GRAMD4: variants seen among roughly 807,000 people sequenced by gnomAD.
GRAMD4 encodes GRAM domain containing 4, also known as GRAM domain-containing protein 4.
In GRAMD4, 25 loss-of-function variants were observed where a neutral mutation model predicts 83.9. That is an observed-to-expected ratio of 0.30 (90% CI 0.22 to 0.42). The LOEUF is 0.42. Ranked by LOEUF, GRAMD4 falls within the 10% of genes least tolerant of loss-of-function variation. The probability of loss-of-function intolerance (pLI) is 1.00; values close to 1 mark genes in which losing one functional copy is unlikely to be tolerated. For synonymous variants in GRAMD4, 336 were observed against 320.9 expected (o/e 1.05, Z -0.50); for missense variants, 593 against 788.7 (o/e 0.75, Z 2.97).
At chr22:46,666,633 G>T (rs1279510975) in intron 9 of GRAMD4, among the ~76,000 whole-genome samples, 192 bp from the exon 10 acceptor site, 1 of 152,138 alleles carries the variant, frequency 6.6e-6, no homozygotes, top group African/African-American at 2.4e-5. Flanking sequence ...GGAGGGGCTG[G>T]TGAGGGTGAC....
chr22:46,585,908 A>G (rs1451791782), intron 1 of GRAMD4, among the ~76,000 whole-genome samples: 1 of 152,188 alleles, frequency 6.6e-6, no homozygotes, highest in Non-Finnish European at 1.5e-5. Flanking sequence ...CCCAACCAGC[A>G]TGTGCCTGCG....
intron 1 of GRAMD4, among the ~76,000 whole-genome samples, chr22:46,583,155 C>T (rs2081114563): frequency 6.6e-6 from 1 of 152,178 alleles, no homozygotes; most frequent in South Asian, 2.1e-4. Context: ...AATTCCTGAC[C>T]TTAGGTGATC....
chr22:46,635,549 C>T (rs192786837), intron 2 of GRAMD4, among the ~76,000 whole-genome samples: 9 of 17,806 alleles, frequency 5.1e-4, no homozygotes, highest in South Asian at 3.0e-3. Context: ...CCTGGGAGGC[C>T]GTGTCCTCCC....
chr22:46,591,288 G>C (rs115559033), intron 1 of GRAMD4, among the ~76,000 whole-genome samples: 2 of 151,638 alleles, frequency 1.3e-5, no homozygotes, highest in African/African-American at 4.8e-5. Context: ...AGGCTGAGAG[G>C]GGGAGGATTG....
At chr22:46,615,915 C>T (rs1401298693), upstream of GRAMD4, among the ~76,000 whole-genome samples, 12 of 82,046 alleles carry the variant, frequency 1.5e-4, no homozygotes, top group Non-Finnish European at 1.7e-4. Flanking sequence ...TAGGTTCCCC[C>T]GTGTGTAGGT....
intron 8 of GRAMD4, among the ~76,000 whole-genome samples, chr22:46,665,311 A>G (rs910939460): frequency 7.9e-5 from 12 of 152,234 alleles, no homozygotes; most frequent in Admixed American, 6.5e-5. Flanking sequence ...TGATGCCCCA[A>G]GTCTGGTGCG....
At chr22:46,642,909 A>G (rs1056952927) in intron 3 of GRAMD4, among the ~76,000 whole-genome samples, 4 of 150,384 alleles carry the variant, frequency 2.7e-5, no homozygotes, top group Non-Finnish European at 4.4e-5. Flanking sequence ...CCATCCATCT[A>G]TTTATCCATC....
At position 46,623,156 on chromosome 22, in the gene GRAMD4, A is replaced by G. The variant is rs1445752986; in HGVS notation, c.-50+2591A>G. ...GAAGGTCCCGGTTTTAGTTGCCTTC[A>G]TCCCTTTACAAGGACGGGGTCCTGT... On this transcript the variant is annotated intron_variant, in intron 1 of 18. Transcript: ENST00000406902. Among the ~76,000 whole-genome samples the G allele has an allele frequency of 2.0e-5, 3 of 152,150 alleles. No individual in the cohort carries two copies. In the East Asian group the frequency reaches 5.8e-4, roughly 29 times the overall value.
intron 1 of GRAMD4, among the ~76,000 whole-genome samples, chr22:46,583,513 C>G (rs1200059359): frequency 6.6e-6 from 1 of 152,216 alleles, no homozygotes; most frequent in African/African-American, 2.4e-5. Flanking sequence ...CTCCTCTTTG[C>G]TATGACAGCT....
intron 1 of GRAMD4, among the ~76,000 whole-genome samples, chr22:46,598,549 T>G (rs547896032): frequency 6.6e-6 from 1 of 152,016 alleles, no homozygotes; most frequent in Non-Finnish European, 1.5e-5. Context: ...GGTTACCGGC[T>G]TGATTTGCTG....
chr22:46,582,800 C>T (rs1227417720), intron 1 of GRAMD4, among the ~76,000 whole-genome samples: 1 of 152,232 alleles, frequency 6.6e-6, no homozygotes, highest in Non-Finnish European at 1.5e-5. Context: ...AGTTCACGGA[C>T]TTCTAGTACA....
chr22:46,677,307 T>C lies in GRAMD4; in HGVS notation c.*56T>C. On this transcript the variant is annotated 3_prime_UTR_variant, in exon 19 of 19. Coordinates refer to ENST00000406902, the MANE Select transcript of GRAMD4 (RefSeq NM_015124.5). ...TTCTTTTTCTTTTTCTTTTTCTTTT[T>C]TTTTTTTTACGATTTGGTAGTGGAA... 6.5e-7 allele frequency: 1 copy of C among 1,546,062 alleles called. No individual in the cohort carries two copies. The highest frequency in any genetic ancestry group is 1.2e-5 in the South Asian group (1 of 81,808).
intron 4 of GRAMD4, 21 bp from the exon 5 acceptor site, chr22:46,661,360 C>T (rs1480117712): frequency 6.2e-7 from 1 of 1,608,596 alleles, no homozygotes; most frequent in Middle Eastern, 1.7e-4. Flanking sequence ...CCTCTTGTCT[C>T]TTCTCTCCCT....
chr22:46,592,458 A>G (rs1311674306), intron 1 of GRAMD4, among the ~76,000 whole-genome samples: 1 of 152,058 alleles, frequency 6.6e-6, no homozygotes, highest in Admixed American at 6.5e-5. Context: ...AAAAAAAAAA[A>G]AAAGGATGAA....
intron 13 of GRAMD4, chr22:46,671,205 G>A (rs1601681079): frequency 4.8e-6 from 2 of 413,896 alleles, no homozygotes; most frequent in Non-Finnish European, 1.1e-5. Flanking sequence ...CAGCCAAGGG[G>A]GTGGTCCTGG....
At chr22:46,579,427 C>T (rs1203016370) in intron 1 of GRAMD4, among the ~76,000 whole-genome samples, 1 of 152,184 alleles carries the variant, frequency 6.6e-6, no homozygotes. Flanking sequence ...GGTTCAGGCT[C>T]AATGAAAAGA....
intron 1 of GRAMD4, among the ~76,000 whole-genome samples, chr22:46,591,607 G>C (rs2081208671): frequency 6.6e-6 from 1 of 152,126 alleles, no homozygotes; most frequent in African/African-American, 2.4e-5. Flanking sequence ...GGCTGAGGCA[G>C]GTGGAATACC....
rs2082287753 is a variant in GRAMD4, at chr22:46,659,026, C to A, written c.404+719C>A. 6.6e-6 allele frequency among the ~76,000 whole-genome samples: 1 copy of A among 152,148 alleles called. No homozygotes were observed. On this transcript the variant is annotated intron_variant, in intron 4 of 18. Transcript: ENST00000406902. The surrounding 1 kb of genome is among the most constrained non-coding windows in gnomAD (Gnocchi z 4.1). ...CCCAGCGCAAGTTACAAAGCCAGTG[C>A]CCTCCTGTCTCGCTAACACCACGAG...
At position 46,677,249 on chromosome 22, in the gene GRAMD4, T is replaced by C. The variant is rs1378604593; in HGVS notation, c.1735T>C (p.Ter579GlnextTer2). The C allele has an allele frequency of 2.5e-6, 4 of 1,606,066 alleles. No individual in the cohort carries two copies. Among genetic ancestry groups the C allele is most frequent in the Non-Finnish European group, 3.4e-6 (4 of 1,177,876 alleles). Residue 579 changes from the stop codon to glutamine, a stop_lost, in exon 19 of 19, where the codon TAG becomes CAG. Coordinates refer to ENST00000406902, the MANE Select transcript of GRAMD4 (RefSeq NM_015124.5). ...AGCGGCAGCGTCTGGCGGGGACAGC[T>C]AGTATTGACTTGCCCAGGACGTTGC... is the stretch of plus-strand genomic sequence containing the variant. ...TSAAASGGDS[*>Q]
Sources: allele counts gnomAD v4.1 joint callset (sites outside exome capture counted in the v4.1 genomes callset), GRCh38; gene constraint gnomAD v4.1.1; non-coding constraint Gnocchi (gnomAD v3.1); transcripts MANE v1.5; gene names NCBI Gene and HGNC (gene_info 2026-07-23, HGNC 2026-07-21).